Variants in NCOR1 observed in about 807,000 individuals in gnomAD.
NCOR1 encodes nuclear receptor corepressor 1.
In NCOR1, 63 loss-of-function variants were observed where a neutral mutation model predicts 288.1. The observed-to-expected ratio is 0.22, with a 90% CI of 0.18 to 0.27. NCOR1 has a LOEUF of 0.27. NCOR1 is among the 10% of genes least tolerant of loss of function. The pLI is 1.00. For missense variants in NCOR1, 2,397 were observed against 3,019.2 expected, an observed-to-expected ratio of 0.79 and a Z score of 4.83; for synonymous variants, 1,007 against 1,065.9, an observed-to-expected ratio of 0.94 and a Z score of 1.08.
At chr17:16,066,244 C>A (rs1394684810) in intron 32 of NCOR1, among the ~76,000 whole-genome samples, 2 of 152,172 alleles carry the variant, frequency 1.3e-5, no homozygotes, top group African/African-American at 4.8e-5. Flanking sequence ...AGCTACTCAA[C>A]TCTGTCACTG....
In NCOR1 at chr17:16,166,588, G is replaced by A. The variant is rs2082049191; in HGVS notation, c.436-1427C>T. Reference sequence around the variant, plus strand: ...CCAGTTACTCGGGAGGCTGAGGCAGGAAAATGGCTTGAACCCAGGAGGCAG... The same window carrying A: ...CCAGTTACTCGGGAGGCTGAGGCAGAAAAATGGCTTGAACCCAGGAGGCAG... On this transcript the variant is annotated intron_variant, in intron 4 of 45. Transcript: ENST00000268712. 2.0e-5 allele frequency among the ~76,000 whole-genome samples: 3 copies of A among 151,958 alleles called. No homozygotes were observed. In the South Asian group the frequency reaches 6.2e-4, roughly 32 times the overall value.
In NCOR1 at chr17:16,137,423, TAAAAC is replaced by T. The variant is rs1429081221; in HGVS notation, c.1408-16_1408-12del. ...ACAATCAGGAACACTCTGTAAGAAATAAAACAATTATTTTTGAGGATCCAATGAAA... is the reference window on the plus strand; with the variant it reads ...ACAATCAGGAACACTCTGTAAGAAATAATTATTTTTGAGGATCCAATGAAA... On this transcript the variant is annotated splice_polypyrimidine_tract_variant and intron_variant, in intron 13 of 45. Transcript: ENST00000268712. 1 of 1,395,730 alleles carries T rather than the reference TAAAAC, an allele frequency of 7.2e-7. No individual in the cohort carries two copies. The highest frequency in any genetic ancestry group is 2.3e-5 in the Admixed American group (1 of 44,000). The allele number at this position is 1,395,730 out of a possible 1,614,324, so 86.5% of individuals were successfully genotyped here.
chr17:16,075,104 G>C (rs756775812), intron 27 of NCOR1, among the ~76,000 whole-genome samples: 3 of 152,178 alleles, frequency 2.0e-5, no homozygotes, highest in Non-Finnish European at 4.4e-5. Context: ...TCCTGACCTT[G>C]TGATCCGCCT....
chr17:16,112,353 C>T (rs1481811671), intron 18 of NCOR1, among the ~76,000 whole-genome samples: 1 of 152,188 alleles, frequency 6.6e-6, no homozygotes, highest in Non-Finnish European at 1.5e-5. Flanking sequence ...TTTGTATACA[C>T]ACTTTTAAAT....
intron 3 of NCOR1, among the ~76,000 whole-genome samples, chr17:16,183,164 G>A (rs1450574919): frequency 7.1e-6 from 1 of 140,268 alleles, no homozygotes; most frequent in African/African-American, 2.7e-5. Context: ...GTACTATGTT[G>A]ATTAGAAGCA....
intron 11 of NCOR1, among the ~76,000 whole-genome samples, chr17:16,139,396 C>T (rs550078778): frequency 5.3e-4 from 81 of 152,218 alleles, no homozygotes; most frequent in Middle Eastern, 3.4e-3. Flanking sequence ...ATATCCATAT[C>T]GTTTTTTAAA....
chr17:16,056,583 TG>T (rs2059957030), intron 40 of NCOR1, among the ~76,000 whole-genome samples: 1 of 152,140 alleles, frequency 6.6e-6, no homozygotes, highest in Non-Finnish European at 1.5e-5. Flanking sequence ...CCCAAAGTGC[TG>T]GGATTACAGG....
At chr17:16,044,922 G>T in intron 42 of NCOR1, 1 of 665,154 alleles carries the variant, frequency 1.5e-6, no homozygotes, top group South Asian at 1.5e-5. Flanking sequence ...AGAATCTGAG[G>T]AGTCTGATGA....
At chr17:16,081,795 A>T (rs1310294959) in intron 23 of NCOR1, among the ~76,000 whole-genome samples, 3 of 152,242 alleles carry the variant, frequency 2.0e-5, no homozygotes, top group Non-Finnish European at 4.4e-5. Context: ...AACACTTAAA[A>T]GGAAAAGCCA....
At chr17:16,089,497 A>T (rs2152890623) in intron 22 of NCOR1, among the ~76,000 whole-genome samples, 2 of 152,270 alleles carry the variant, frequency 1.3e-5, no homozygotes, top group Middle Eastern at 6.8e-3. Flanking sequence ...AACTTAAAAC[A>T]GGCATACCTA....
intron 8 of NCOR1, chr17:16,151,725 A>G (rs1453929717): frequency 1.8e-6 from 2 of 1,120,398 alleles, no homozygotes; most frequent in South Asian, 2.8e-5. Context: ...AGCTAGTTTT[A>G]TGCAATAATT....
At position 16,181,237 on chromosome 17, in the gene NCOR1, G is replaced by A. The variant is rs974064860; in HGVS notation, c.242+5317C>T. ...TGTGTGTGTGTGTGTGTGTGTGTGTGTGTGTGTGTGTGTGTGTATAAATAT... is the reference window on the plus strand; with the variant it reads ...TGTGTGTGTGTGTGTGTGTGTGTGTATGTGTGTGTGTGTGTGTATAAATAT... On this transcript the variant is annotated intron_variant, in intron 3 of 45. Transcript: ENST00000268712. Among the ~76,000 whole-genome samples, 105 of 151,606 alleles carry A rather than the reference G, an allele frequency of 6.9e-4. 2 individuals carry two copies. In the East Asian group the frequency reaches 0.016, roughly 23 times the overall value.
chr17:16,098,618 C>G, intron 20 of NCOR1, 122 bp from the exon 21 acceptor site: 2 of 755,738 alleles, frequency 2.6e-6, no homozygotes, highest in Non-Finnish European at 4.1e-6. Flanking sequence ...CATGGACACA[C>G]ATATATTAAC....
At position 16,075,722 on chromosome 17, in the gene NCOR1, A is replaced by G; in HGVS notation, c.3502-20T>C. The stretch of plus-strand genomic sequence containing the variant: ...GGTGCCCTGCCATCAAATCAAGCAT[A>G]AATAGCAGAGGAGTCACTCGAGTTT... On this transcript the variant is annotated intron_variant, in intron 26 of 45. Coordinates refer to ENST00000268712, the MANE Select transcript of NCOR1 (RefSeq NM_006311.4). The G allele has an allele frequency of 1.2e-6, 2 of 1,613,560 alleles. No homozygotes were observed. The highest frequency in any genetic ancestry group is 1.7e-6 in the Non-Finnish European group (2 of 1,179,686).
At chr17:16,124,428 G>A (rs1028157793) in intron 15 of NCOR1, among the ~76,000 whole-genome samples, 2 of 152,152 alleles carry the variant, frequency 1.3e-5, no homozygotes, top group Non-Finnish European at 2.9e-5. Flanking sequence ...GAGCATATGG[G>A]AACCGTTTGG....
intron 19 of NCOR1, 144 bp downstream of exon 19, chr17:16,108,642 A>G: frequency 1.8e-6 from 1 of 550,204 alleles, no homozygotes; most frequent in East Asian, 3.2e-5. Context: ...GAATAAAAAC[A>G]TTATGTTCAA....
chr17:16,112,635 T>G (rs2070535462), intron 18 of NCOR1, among the ~76,000 whole-genome samples: 1 of 152,016 alleles, frequency 6.6e-6, no homozygotes, highest in Admixed American at 6.5e-5. Context: ...GGATTAAAGG[T>G]GCACACCATC....
intron 12 of NCOR1, among the ~76,000 whole-genome samples, chr17:16,138,756 A>G (rs767116982): frequency 6.6e-6 from 1 of 152,152 alleles, no homozygotes; most frequent in East Asian, 1.9e-4. Flanking sequence ...AAGCTCCCCA[A>G]AAGTTCAGCC....
chr17:16,102,531 A>G (rs1324112463), intron 19 of NCOR1, among the ~76,000 whole-genome samples: 1 of 151,556 alleles, frequency 6.6e-6, no homozygotes, highest in African/African-American at 2.4e-5. Context: ...TCATAAGATT[A>G]TTTTTCCTTT....
Sources: gnomAD v4.1 joint callset for allele counts (sites outside exome capture counted in the v4.1 genomes callset) on GRCh38, gnomAD v4.1.1 for gene constraint, MANE v1.5 for transcripts, NCBI Gene and HGNC (gene_info 2026-07-23, HGNC 2026-07-21) for gene names.